The following SPTSSB variants were observed in gnomAD, a reference collection of about 807,000 sequenced individuals.
SPTSSB encodes the protein serine palmitoyltransferase small subunit B.
A neutral mutation model predicts 7.7 loss-of-function variants in SPTSSB; 6 were observed. That is an observed-to-expected ratio of 0.78 (90% confidence interval 0.43 to 1.54). The LOEUF is 1.54. Among genes scored for constraint, SPTSSB ranks in the 40% most tolerant of loss-of-function variants. The pLI is 0.01. For missense variants in SPTSSB, 91 were observed against 93.0 expected (o/e 0.98, Z 0.09); for synonymous variants, 28 against 29.7 (o/e 0.94, Z 0.19).
chr3:161,349,080 T>G (rs1229869359), intron 2 of SPTSSB, among the ~76,000 whole-genome samples: 1 of 152,212 alleles, frequency 6.6e-6, no homozygotes, highest in Non-Finnish European at 1.5e-5. Context: ...GGAGAATTCA[T>G]TCATTCATTG....
intron 1 of SPTSSB, among the ~76,000 whole-genome samples, chr3:161,369,691 AC>A (rs1281244943): frequency 6.6e-6 from 1 of 152,012 alleles, no homozygotes; most frequent in Non-Finnish European, 1.5e-5. Context: ...GAGCTCTGAA[AC>A]ACAAAGCTGG....
chr3:161,346,388 G>T, intron 2 of SPTSSB, 33 bp from the exon 3 acceptor site: 1 of 1,102,672 alleles, frequency 9.1e-7, no homozygotes, highest in South Asian at 1.3e-5. Flanking sequence ...AGAGGATGAG[G>T]AACCAAACAT....
chr3:161,348,770 T>G (rs1373824623), intron 2 of SPTSSB, among the ~76,000 whole-genome samples: 1 of 152,222 alleles, frequency 6.6e-6, no homozygotes, highest in Non-Finnish European at 1.5e-5. Flanking sequence ...AAGTGTCTCT[T>G]GAAAACACTG....
chr3:161,359,243 T>C (rs1423288832), intron 2 of SPTSSB: 1 of 152,204 alleles, frequency 6.6e-6, no homozygotes, highest in Non-Finnish European at 1.5e-5. Context: ...GTGTTTTCAT[T>C]TTACCATATT....
intron 2 of SPTSSB, among the ~76,000 whole-genome samples, chr3:161,351,422 G>A (rs1408812617): frequency 6.6e-6 from 1 of 152,174 alleles, no homozygotes; most frequent in Non-Finnish European, 1.5e-5. Context: ...CTAAACTCCA[G>A]TGAACTTTGC....
intron 2 of SPTSSB, among the ~76,000 whole-genome samples, chr3:161,349,602 GAA>G (rs1373186826): frequency 2.6e-5 from 4 of 152,068 alleles, no homozygotes; most frequent in African/African-American, 9.7e-5. Context: ...TTTTTAAAAA[GAA>G]AAGTTTCCTC....
In SPTSSB at chr3:161,362,991, C is replaced by T. The variant is rs150606749; in HGVS notation, c.-125-3097G>A. On this transcript the variant is annotated intron_variant, in intron 1 of 2. Coordinates refer to ENST00000620149, the MANE Select transcript of SPTSSB (RefSeq NM_001040100.2). Reference sequence around the variant, plus strand: ...TATATCCACTAATATGTATGTATATCATTTGTAAATTTAAAAGTAACCAAA... The same window carrying T: ...TATATCCACTAATATGTATGTATATTATTTGTAAATTTAAAAGTAACCAAA... Among the ~76,000 whole-genome samples, 573 of 151,832 alleles carry T rather than the reference C, an allele frequency of 3.8e-3. 4 individuals carry two copies. Among genetic ancestry groups the T allele is most frequent in the African/African-American group, 0.013 (542 of 41,474 alleles).
intron 2 of SPTSSB, among the ~76,000 whole-genome samples, chr3:161,355,699 T>C (rs1004023437): frequency 7.2e-5 from 11 of 152,078 alleles, no homozygotes; most frequent in African/African-American, 2.7e-4. Flanking sequence ...AAATACAGAG[T>C]TATTGTTTAA....
intron 2 of SPTSSB, among the ~76,000 whole-genome samples, chr3:161,356,243 A>G (rs1484889133): frequency 6.6e-6 from 1 of 152,202 alleles, no homozygotes. Context: ...TGTGAATTCT[A>G]TGATATGCTT....
chr3:161,348,497 G>T (rs1714364786), intron 2 of SPTSSB, among the ~76,000 whole-genome samples: 1 of 152,070 alleles, frequency 6.6e-6, no homozygotes, highest in South Asian at 2.1e-4. Flanking sequence ...AATGTCTATT[G>T]TTTAAAACCG....
Position 161,346,364 on chromosome 3 carries a change from G to T in SPTSSB, c.-32-9C>A, listed in dbSNP as rs371398069. Reference sequence around the variant, plus strand: ...GCTGCAGTAAGTTTGTCCTGTTAAAGAATGTAACAGATTAGAGGATGAGGA... The same window carrying T: ...GCTGCAGTAAGTTTGTCCTGTTAAATAATGTAACAGATTAGAGGATGAGGA... On this transcript the variant is annotated splice_polypyrimidine_tract_variant and intron_variant, in intron 2 of 2. Transcript: ENST00000620149. 5 of 1,345,802 alleles carry T rather than the reference G, an allele frequency of 3.7e-6. No individual in the cohort carries two copies. Among genetic ancestry groups the T allele is most frequent in the Non-Finnish European group, 1.1e-6 (1 of 936,304 alleles). 83.4% of individuals were successfully genotyped at this position (1,345,802 alleles called of 1,614,324 possible). A position where few individuals can be genotyped will look rare whatever the true frequency, so the allele number is the denominator to read the frequency against.
chr3:161,365,941 T>TC (rs1715199555), intron 1 of SPTSSB, among the ~76,000 whole-genome samples: 1 of 152,140 alleles, frequency 6.6e-6, no homozygotes, highest in African/African-American at 2.4e-5. Context: ...GGTTGCTTTT[T>TC]CCCTCTTTTT....
intron 1 of SPTSSB, among the ~76,000 whole-genome samples, chr3:161,369,385 C>CTTTTTTTTTTTTTTTTTTTTTTTTTTT (rs71149710): frequency 3.4e-5 from 1 of 29,652 alleles, no homozygotes. Context: ...TCTTTCTTTC[C>CTTTTTTTTTTTTTTTTTTTTTTTTTTT]TTTTTTTTTT....
At chr3:161,348,836 G>A (rs1338000481) in intron 2 of SPTSSB, among the ~76,000 whole-genome samples, 1 of 152,114 alleles carries the variant, frequency 6.6e-6, no homozygotes, top group South Asian at 2.1e-4. Context: ...CAATTTTAAA[G>A]ACAGTTTGTG....
At chr3:161,364,116 A>G (rs896932353) in intron 1 of SPTSSB, among the ~76,000 whole-genome samples, 3 of 152,126 alleles carry the variant, frequency 2.0e-5, no homozygotes, top group African/African-American at 7.2e-5. Flanking sequence ...AAATCTATTA[A>G]ACTTAAACTA....
chr3:161,348,302 C>T (rs60500223), intron 2 of SPTSSB, among the ~76,000 whole-genome samples: 2,500 of 95,474 alleles, frequency 0.026, 82 homozygotes, highest in African/African-American at 0.13. Context: ...CAAAACAAAA[C>T]ACTCTAAATT....
At chr3:161,353,984 A>G (rs1033246990) in intron 2 of SPTSSB, among the ~76,000 whole-genome samples, 29 of 152,150 alleles carry the variant, frequency 1.9e-4, no homozygotes, top group Admixed American at 5.9e-4. Context: ...TTGGAGTCCA[A>G]GTTTTTAGGG....
At chr3:161,361,294 G>A (rs1030495259) in intron 1 of SPTSSB, among the ~76,000 whole-genome samples, 1 of 152,048 alleles carries the variant, frequency 6.6e-6, no homozygotes, top group African/African-American at 2.4e-5. Context: ...GTGAGGTAGC[G>A]AGAGCTCCAT....
chr3:161,370,852 C>T lies in SPTSSB; in HGVS notation c.-126+583G>A, dbSNP rs187748919. Among the ~76,000 whole-genome samples the T allele has an allele frequency of 7.9e-3, 1,208 of 152,292 alleles. 14 individuals are homozygous for T. Among genetic ancestry groups the T allele is most frequent in the African/African-American group, 0.027 (1,142 of 41,556 alleles). On this transcript the variant is annotated intron_variant, in intron 1 of 2. Transcript: ENST00000620149. Reference sequence around the variant, plus strand: ...CCCCATGGCAAAGTTAACTATTTAGCTAACTCTAGCTGGCTGTCTTTTGGT... The same window carrying T: ...CCCCATGGCAAAGTTAACTATTTAGTTAACTCTAGCTGGCTGTCTTTTGGT...
Sources: allele counts gnomAD v4.1 joint callset (sites outside exome capture counted in the v4.1 genomes callset), GRCh38; gene constraint gnomAD v4.1.1; transcripts MANE v1.5; gene names NCBI Gene and HGNC (gene_info 2026-07-23, HGNC 2026-07-21).